The following RALYL variants were observed in gnomAD, a reference collection of about 807,000 sequenced individuals.
RALYL encodes the protein RNA-binding Raly-like protein.
RALYL carries 29 observed loss-of-function variants against 35.1 expected under a neutral mutation model. That is an observed-to-expected ratio of 0.83 (90% CI 0.61 to 1.13). The LOEUF (loss-of-function observed/expected upper bound fraction) is 1.13. RALYL is among the 50% of genes most tolerant of loss of function. RALYL has a pLI of 0.00. For synonymous variants in RALYL, 120 were observed against 127.6 expected (o/e 0.94, Z 0.40); for missense variants, 359 against 360.4 (o/e 1.00, Z 0.03).
intron 2 of RALYL, among the ~76,000 whole-genome samples, chr8:84,764,775 A>G (rs996967873): frequency 2.6e-5 from 4 of 152,238 alleles, no homozygotes; most frequent in South Asian, 4.1e-4. Context: ...AAATTAGACT[A>G]CAGTTTCATT....
At chr8:84,260,563 C>T (rs556685300) in intron 1 of RALYL, among the ~76,000 whole-genome samples, 273 of 152,248 alleles carry the variant, frequency 1.8e-3, no homozygotes, top group Non-Finnish European at 1.2e-3. Context: ...GTCACGTTCT[C>T]TTGATCACAG....
At chr8:84,900,090 G>A (rs1845411386) in intron 8 of RALYL, among the ~76,000 whole-genome samples, 1 of 152,162 alleles carries the variant, frequency 6.6e-6, no homozygotes, top group African/African-American at 2.4e-5. Flanking sequence ...AGCCTCTCAT[G>A]ATGTTAAAAG....
intron 6 of RALYL, among the ~76,000 whole-genome samples, chr8:84,869,181 T>TA (rs568474404): frequency 2.0e-3 from 310 of 152,206 alleles, no homozygotes; most frequent in Non-Finnish European, 3.3e-3. Flanking sequence ...CATGGCACAA[T>TA]AAAAAATATA....
At chr8:84,426,238 G>A (rs1222287484) in intron 1 of RALYL, among the ~76,000 whole-genome samples, 1 of 151,912 alleles carries the variant, frequency 6.6e-6, no homozygotes, top group Non-Finnish European at 1.5e-5. Flanking sequence ...TGTTTTTGTG[G>A]CAAGAGCAGC....
intron 3 of RALYL, among the ~76,000 whole-genome samples, chr8:84,779,707 C>G (rs1358492193): frequency 6.6e-6 from 1 of 152,170 alleles, no homozygotes; most frequent in African/African-American, 2.4e-5. Flanking sequence ...GGTTATATTA[C>G]AGTAACTCCA....
intron 1 of RALYL, among the ~76,000 whole-genome samples, chr8:84,490,759 A>C (rs1351793490): frequency 2.0e-5 from 3 of 151,330 alleles, no homozygotes; most frequent in Non-Finnish European, 4.4e-5. Flanking sequence ...TTGAGGGTGA[A>C]TCAGAGAGGG....
intron 2 of RALYL, among the ~76,000 whole-genome samples, chr8:84,550,684 A>T (rs1021815767): frequency 6.6e-6 from 1 of 151,872 alleles, no homozygotes. Context: ...TTAGAAACTT[A>T]TGACAGTCTA....
At chr8:84,685,377 C>G (rs1588999246) in intron 2 of RALYL, among the ~76,000 whole-genome samples, 1 of 152,064 alleles carries the variant, frequency 6.6e-6, no homozygotes, top group East Asian at 1.9e-4. Context: ...AGTCTTCATC[C>G]TAGTTCCCTT....
At chr8:84,301,391 A>G (rs1367468301) in intron 1 of RALYL, among the ~76,000 whole-genome samples, 1 of 152,108 alleles carries the variant, frequency 6.6e-6, no homozygotes, top group Non-Finnish European at 1.5e-5. Context: ...AGCATCACAC[A>G]GGAGGTCTCT....
chr8:84,506,360 T>C (rs1469342566), intron 1 of RALYL, among the ~76,000 whole-genome samples: 1 of 143,314 alleles, frequency 7.0e-6, no homozygotes, highest in Non-Finnish European at 1.5e-5. Flanking sequence ...GATTCCAGGT[T>C]CTATGATATC....
chr8:84,478,767 T>C (rs1173332046), intron 1 of RALYL, among the ~76,000 whole-genome samples: 2 of 151,790 alleles, frequency 1.3e-5, no homozygotes, highest in Non-Finnish European at 2.9e-5. Flanking sequence ...TCTTCAGATA[T>C]TCTCTTTAGT....
intron 2 of RALYL, among the ~76,000 whole-genome samples, chr8:84,751,963 T>C (rs1253548828): frequency 1.3e-5 from 2 of 152,140 alleles, no homozygotes; most frequent in Non-Finnish European, 2.9e-5. Context: ...TAAAGATATC[T>C]GAACATGTGG....
At chr8:84,853,095 T>C (rs1253757990) in intron 5 of RALYL, among the ~76,000 whole-genome samples, 3 of 152,204 alleles carry the variant, frequency 2.0e-5, no homozygotes, top group Non-Finnish European at 2.9e-5. Context: ...TTAGTAAACA[T>C]TATTAATCTG....
At chr8:84,471,367 G>A (rs2052722059) in intron 1 of RALYL, among the ~76,000 whole-genome samples, 1 of 151,644 alleles carries the variant, frequency 6.6e-6, no homozygotes, top group Non-Finnish European at 1.5e-5. Context: ...AGGATCGCTT[G>A]AGGCCAGGAG....
intron 6 of RALYL, among the ~76,000 whole-genome samples, chr8:84,869,589 C>T (rs996180158): frequency 3.3e-5 from 5 of 152,056 alleles, no homozygotes; most frequent in Non-Finnish European, 5.9e-5. Flanking sequence ...CTATCTTGTG[C>T]ACTGTAGGAT....
chr8:84,305,450 AT>A (rs1231037345), intron 1 of RALYL, among the ~76,000 whole-genome samples: 2 of 152,362 alleles, frequency 1.3e-5, no homozygotes, highest in East Asian at 3.9e-4. Context: ...GTTTGGAAAA[AT>A]AACGTATATA....
rs555231331 is a variant in RALYL, at chr8:84,462,621, G to A, written c.-23-66678G>A. ...GATTCATTTTTTTTTTTTTTTGCAT[G>A]TGGATATCCAGTTGTTCTGGCATCA... On this transcript the variant is annotated intron_variant, in intron 1 of 8. Coordinates refer to ENST00000521268, the MANE Select transcript of RALYL (RefSeq NM_173848.7). Among the ~76,000 whole-genome samples the A allele has an allele frequency of 4.0e-5, 5 of 125,394 alleles. No homozygotes were observed. In the East Asian group the frequency reaches 9.0e-4, roughly 22 times the overall value. 82.3% of individuals were successfully genotyped at this position (125,394 alleles called of 152,430 possible).
At chr8:84,523,366 C>G (rs577119333) in intron 1 of RALYL, among the ~76,000 whole-genome samples, 1 of 151,596 alleles carries the variant, frequency 6.6e-6, no homozygotes, top group South Asian at 2.1e-4. Context: ...AAACCCACTC[C>G]CATGATTCAA....
At chr8:84,524,532 ACT>A (rs1308811279) in intron 1 of RALYL, among the ~76,000 whole-genome samples, 26 of 152,098 alleles carry the variant, frequency 1.7e-4, no homozygotes, top group Admixed American at 1.7e-3. Context: ...TGTCTTAGTG[ACT>A]CTATCATTTA....
Sources: allele counts gnomAD v4.1 joint callset (sites outside exome capture counted in the v4.1 genomes callset), GRCh38; gene constraint gnomAD v4.1.1; transcripts MANE v1.5; gene names NCBI Gene and HGNC (gene_info 2026-07-23, HGNC 2026-07-21).